The following TEX14 variants were observed in gnomAD, a reference collection of about 807,000 sequenced individuals.
The protein encoded by TEX14 is testis expressed 14, intercellular bridge forming factor, also known as inactive serine/threonine-protein kinase TEX14.
A neutral mutation model predicts 178.6 loss-of-function variants in TEX14; 168 were observed. That is an observed-to-expected ratio of 0.94 (90% CI 0.83 to 1.07). The LOEUF (loss-of-function observed/expected upper bound fraction) is 1.07, where lower values mean the gene tolerates loss of function less well. Among genes scored for constraint, TEX14 ranks in the 50% least tolerant of loss-of-function variants. The pLI, the probability that TEX14 is intolerant of heterozygous loss-of-function variation, is 0.00. For synonymous variants in TEX14, 626 were observed against 634.1 expected (o/e 0.99, Z 0.19); for missense variants, 1,730 against 1,753.6 (o/e 0.99, Z 0.24).
intron 2 of TEX14, among the ~76,000 whole-genome samples, chr17:58,638,705 A>G (rs1436994406): frequency 6.6e-6 from 1 of 151,338 alleles, no homozygotes; most frequent in African/African-American, 2.4e-5. Flanking sequence ...CGCCTGCCTA[A>G]TTTTTTGTAT....
chr17:58,630,242 GAGGC>G (rs34232744), intron 3 of TEX14, among the ~76,000 whole-genome samples, 194 bp downstream of exon 3: 36,275 of 151,388 alleles, frequency 0.24, 5,196 homozygotes, highest in Middle Eastern at 0.41. Context: ...ATTTTTAGTA[GAGGC>G]AGGGTTTCAC....
At chr17:58,635,428 CTTTTT>C (rs548762963) in intron 2 of TEX14, among the ~76,000 whole-genome samples, 3 of 129,566 alleles carry the variant, frequency 2.3e-5, no homozygotes, top group Non-Finnish European at 4.9e-5. Flanking sequence ...GGGCTTCTCT[CTTTTT>C]TTTTTTTTTT....
Position 58,572,050 on chromosome 17 carries a change from G to A in TEX14, c.3588C>T (p.Ala1196=), listed in dbSNP as rs149446135. ...TAAATTCTTGACTGTTCCAGCAAGA[G>A]GCAAACTCTGTCTTAACCTGAAATG... is the stretch of plus-strand genomic sequence containing the variant. ...SITFQVKTEF[A]SCWNSQEFIQ... Residue 1196 remains alanine, a synonymous_variant, in exon 24 of 32, where the codon GCC becomes GCT. Transcript: ENST00000349033. 3.9e-4 allele frequency: 636 copies of A among 1,614,074 alleles called. No individual in the cohort carries two copies. Among genetic ancestry groups the A allele is most frequent in the Non-Finnish European group, 5.2e-4 (610 of 1,179,954 alleles).
At chr17:58,672,196 C>T (rs553386850) in intron 1 of TEX14, among the ~76,000 whole-genome samples, 1 of 152,112 alleles carries the variant, frequency 6.6e-6, no homozygotes, top group Admixed American at 6.6e-5. Context: ...GGTGCTCAGG[C>T]AGTAATGACA....
At position 58,605,073 on chromosome 17, in the gene TEX14, T is replaced by A. The variant is rs1352862484; in HGVS notation, c.1241A>T (p.Tyr414Phe). The change falls in exon 11 of 32, where the codon TAC (tyrosine) becomes TTC (phenylalanine). Residue 414 changes from tyrosine to phenylalanine, a missense_variant. Around this residue, in one of 2 missense-constraint regions of TEX14, gnomAD observed 789 missense variants for 681.2 expected, o/e 1.16. Transcript: ENST00000349033. Reference protein sequence around the residue: ...LTRVPLPTQLYNWAAPEVILQ... With the variant: ...LTRVPLPTQLFNWAAPEVILQ... ...GATCACTTCTGGTGCGGCCCAGTTG[T>A]ATAGCTGCGTAGGAAGGGGCACTCG... The A allele has an allele frequency of 1.2e-6, 2 of 1,614,228 alleles. No homozygotes were observed. The highest frequency in any genetic ancestry group is 2.2e-5 in the South Asian group (2 of 91,086).
At chr17:58,647,194 C>T (rs1455801042) in intron 2 of TEX14, among the ~76,000 whole-genome samples, 2 of 151,830 alleles carry the variant, frequency 1.3e-5, no homozygotes, top group Non-Finnish European at 2.9e-5. Context: ...GCCACCGCGC[C>T]CAGCCTGGAA....
intron 14 of TEX14, among the ~76,000 whole-genome samples, chr17:58,594,233 C>T (rs2045226082): frequency 6.6e-6 from 1 of 152,040 alleles, no homozygotes; most frequent in South Asian, 2.1e-4. Flanking sequence ...AAAAAAAAAT[C>T]CACTTTCCTG....
rs1327655078 is a variant in TEX14, at chr17:58,598,931, C to T, written c.2414G>A (p.Gly805Asp). The T allele has an allele frequency of 8.1e-6, 13 of 1,614,002 alleles. No individual in the cohort carries two copies. Among genetic ancestry groups the T allele is most frequent in the Non-Finnish European group, 9.3e-6 (11 of 1,179,942 alleles). ...GTTGCCACTGGTGTCTGGCTTCTGA[C>T]CCCCTGAAAGCTGTAGGACAGGAGG... ...YIPPVLQLSG[G>D]QKPDTSGNYP... Residue 805 changes from glycine (G) to aspartate (D), a missense_variant, in exon 14 of 32, where the codon GGT (glycine) becomes GAT (aspartate). Physicochemically the swap from Gly to Asp is moderately conservative, Grantham distance 94 (BLOSUM62 -1). This residue lies in a region of TEX14 where 941 missense variants were observed against 1,072.4 expected (regional missense o/e 0.88). Coordinates refer to ENST00000349033, the MANE Select transcript of TEX14 (RefSeq NM_031272.5).
intron 20 of TEX14, among the ~76,000 whole-genome samples, chr17:58,579,249 A>T (rs1482392955): frequency 1.3e-5 from 2 of 152,230 alleles, no homozygotes; most frequent in Admixed American, 1.3e-4. Flanking sequence ...CCTTCTGGGG[A>T]GAAGAAATAC....
chr17:58,644,943 G>T (rs552699799), intron 2 of TEX14, among the ~76,000 whole-genome samples: 2 of 150,930 alleles, frequency 1.3e-5, no homozygotes, highest in Non-Finnish European at 2.9e-5. Flanking sequence ...GAGCCACTGC[G>T]CCTAGCCTTG....
intron 2 of TEX14, among the ~76,000 whole-genome samples, chr17:58,639,510 G>A (rs1035039099): frequency 6.6e-6 from 1 of 151,996 alleles, no homozygotes; most frequent in Non-Finnish European, 1.5e-5. Context: ...AGACTAGCCT[G>A]ACCAACATAG....
chr17:58,647,082 T>C (rs1286976883), intron 2 of TEX14, among the ~76,000 whole-genome samples: 2 of 151,914 alleles, frequency 1.3e-5, no homozygotes, highest in African/African-American at 4.8e-5. Flanking sequence ...ATGTTTTTAG[T>C]AGAGATGGGG....
At position 58,621,677 on chromosome 17, in the gene TEX14, G is replaced by A. The variant is rs1257030115; in HGVS notation, c.527C>T (p.Pro176Leu). 8 of 1,614,060 alleles carry A rather than the reference G, an allele frequency of 5.0e-6. No homozygotes were observed. Among genetic ancestry groups the A allele is most frequent in the African/African-American group, 1.3e-5 (1 of 75,060 alleles). ...CTGCACGAGGCCCCCACACCAGGAC[G>A]GGCTGTAGACAAGCCGCTGCGGGGA... Reference protein sequence around the residue: ...IDSPQRLVYSPSWCGGLVQGN... With the variant: ...IDSPQRLVYSLSWCGGLVQGN... Residue 176 changes from proline (P) to leucine (L), a missense_variant, in exon 5 of 32, where the codon CCG becomes CTG. By Grantham distance (98) the Pro-to-Leu change is moderately conservative (BLOSUM62 -3). This residue lies in a region of TEX14 where 789 missense variants were observed against 681.2 expected (regional missense o/e 1.16). Coordinates refer to ENST00000349033, the MANE Select transcript of TEX14 (RefSeq NM_031272.5).
intron 1 of TEX14, among the ~76,000 whole-genome samples, chr17:58,687,924 G>T (rs2047628521): frequency 1.3e-5 from 2 of 152,128 alleles, no homozygotes; most frequent in South Asian, 4.1e-4. Flanking sequence ...TGAGGGCAGA[G>T]AATCTATCTT....
At chr17:58,563,979 C>G (rs1298821417) in intron 28 of TEX14, among the ~76,000 whole-genome samples, 4 of 151,264 alleles carry the variant, frequency 2.6e-5, no homozygotes, top group African/African-American at 9.7e-5. Context: ...ATTAGGATGG[C>G]TACTATATTT....
intron 2 of TEX14, among the ~76,000 whole-genome samples, chr17:58,640,612 A>AAGTGT (rs71367611): frequency 7.0e-6 from 1 of 143,860 alleles, no homozygotes; most frequent in African/African-American, 2.6e-5. Flanking sequence ...CTTACCTTCT[A>AAGTGT]GTGTGTGTGT....
Position 58,617,327 on chromosome 17 carries a change from AG to A in TEX14, c.636+210del, listed in dbSNP as rs1429919316. 5.3e-5 allele frequency among the ~76,000 whole-genome samples: 8 copies of A among 152,356 alleles called. 1 individual carries two copies. In the South Asian group the frequency reaches 1.7e-3, roughly 32 times the overall value. The stretch of plus-strand genomic sequence containing the variant: ...CATTTTCTAAACTCAAGTGTAGCCC[AG>A]GGTCATCCAAGGGAATTCTCTGGGG... On this transcript the variant is annotated intron_variant, in intron 6 of 31. Coordinates refer to ENST00000349033, the MANE Select transcript of TEX14 (RefSeq NM_031272.5).
At chr17:58,600,343 GTGACCAACATGGTGACCACCATGGCC>G (rs761578735) in intron 13 of TEX14, among the ~76,000 whole-genome samples, 103 of 150,770 alleles carry the variant, frequency 6.8e-4, no homozygotes, top group Non-Finnish European at 1.2e-3. Flanking sequence ...AACCAACATG[GTGACCAACATGGTGACCACCATGGCC>G]TGACCAACAT....
At chr17:58,568,910 A>G (rs571961602) in intron 26 of TEX14, among the ~76,000 whole-genome samples, 1 of 152,344 alleles carries the variant, frequency 6.6e-6, no homozygotes, top group East Asian at 1.9e-4. Context: ...ATTCATCATA[A>G]TAAACCACTT....
Sources: gnomAD v4.1 joint callset for allele counts (sites outside exome capture counted in the v4.1 genomes callset) on GRCh38, gnomAD v4.1.1 for gene constraint, gnomAD v4.1.1 regional missense constraint, MANE v1.5 for transcripts, NCBI Gene and HGNC (gene_info 2026-07-23, HGNC 2026-07-21) for gene names.